The following OXR1 variants were observed in gnomAD, a reference collection of about 807,000 sequenced individuals.
OXR1 encodes oxidation resistance protein 1.
Under a neutral mutation model 104.6 loss-of-function variants are expected in OXR1, and 41 were observed. That is an observed-to-expected ratio of 0.39 (90% CI 0.31 to 0.51). OXR1 has a LOEUF of 0.51. OXR1 is among the 20% of genes least tolerant of loss of function. OXR1 has a pLI of 0.77. For synonymous variants in OXR1, 348 were observed against 348.4 expected, an observed-to-expected ratio of 1.00 and a Z score of 0.01; for missense variants, 955 against 1,031.9, an observed-to-expected ratio of 0.93 and a Z score of 1.02.
At chr8:106,678,407 C>T (rs1321595437) in intron 3 of OXR1, among the ~76,000 whole-genome samples, 1 of 151,886 alleles carries the variant, frequency 6.6e-6, no homozygotes, top group African/African-American at 2.4e-5. Context: ...GTAAATGTAG[C>T]ATTTTGCCAT....
At chr8:106,721,369 T>C (rs534502134) in intron 11 of OXR1, among the ~76,000 whole-genome samples, 2 of 152,152 alleles carry the variant, frequency 1.3e-5, no homozygotes, top group Non-Finnish European at 2.9e-5. Flanking sequence ...AGAAACTGGT[T>C]TTATTAAATC....
intron 16 of OXR1, among the ~76,000 whole-genome samples, chr8:106,746,558 A>G (rs1835412186): frequency 6.6e-6 from 1 of 152,216 alleles, no homozygotes; most frequent in African/African-American, 2.4e-5. Flanking sequence ...AAAGTGTTAC[A>G]TTATTTGTAT....
chr8:106,299,751 A>G (rs751053860), intron 1 of OXR1, among the ~76,000 whole-genome samples: 1 of 152,204 alleles, frequency 6.6e-6, no homozygotes, highest in Non-Finnish European at 1.5e-5. Context: ...ACCTTGCCGC[A>G]TGCTTGACTA....
rs186212263 is a variant in OXR1 at position 106,526,704 on chromosome 8, G to A, written c.220+7565G>A. Among the ~76,000 whole-genome samples, 300 of 152,236 alleles carry A rather than the reference G, an allele frequency of 2.0e-3. 1 individual carries two copies. Among genetic ancestry groups the A allele is most frequent in the Non-Finnish European group, 3.3e-3 (223 of 68,016 alleles). Reference sequence around the variant, plus strand: ...ACTACAGGCGTCCGCCACCACGCCCGGCTAATTTTTTTGTATTTTTAGTAG... The same window carrying A: ...ACTACAGGCGTCCGCCACCACGCCCAGCTAATTTTTTTGTATTTTTAGTAG... On this transcript the variant is annotated intron_variant, in intron 3 of 16. Coordinates refer to ENST00000517566, the MANE Select transcript of OXR1 (RefSeq NM_001198533.2).
At chr8:106,669,102 T>C (rs751008049) in intron 3 of OXR1, among the ~76,000 whole-genome samples, 1 of 152,088 alleles carries the variant, frequency 6.6e-6, no homozygotes, top group Non-Finnish European at 1.5e-5. Flanking sequence ...AAAAGGAACA[T>C]TAATGGGTAT....
At chr8:106,384,274 A>G (rs1817276582) in intron 2 of OXR1, among the ~76,000 whole-genome samples, 1 of 152,214 alleles carries the variant, frequency 6.6e-6, no homozygotes. Flanking sequence ...TAATGTTCTG[A>G]CAATCCAGTG....
chr8:106,289,859 T>G (rs992579896), intron 1 of OXR1, among the ~76,000 whole-genome samples: 3 of 152,134 alleles, frequency 2.0e-5, no homozygotes, highest in Admixed American at 2.0e-4. Context: ...CCCATGCTGT[T>G]CTCATGATAG....
chr8:106,486,102 T>C lies in OXR1; in HGVS notation c.24-32841T>C, dbSNP rs201084261. Among the ~76,000 whole-genome samples the C allele has an allele frequency of 9.9e-5, 15 of 151,872 alleles. 1 individual carries two copies. In the East Asian group the frequency reaches 2.9e-3, roughly 30 times the overall value. ...TGTATTCTTAAAAATGCTAAGAGAGTAGATTATATGTGTTCTATTACAAAA... is the reference window on the plus strand; with the variant it reads ...TGTATTCTTAAAAATGCTAAGAGAGCAGATTATATGTGTTCTATTACAAAA... On this transcript the variant is annotated intron_variant, in intron 2 of 16. Transcript: ENST00000517566.
At chr8:106,579,761 G>A (rs1482674124) in intron 3 of OXR1, among the ~76,000 whole-genome samples, 1 of 151,734 alleles carries the variant, frequency 6.6e-6, no homozygotes, top group Non-Finnish European at 1.5e-5. Flanking sequence ...TAATCACTAT[G>A]CTATATATGC....
At position 106,704,393 on chromosome 8, in the gene OXR1, C is replaced by CTTTTTTTTTTT. The variant is rs71307084; in HGVS notation, c.860+1324_860+1334dup. On this transcript the variant is annotated intron_variant, in intron 8 of 16. Transcript: ENST00000517566. ...TTTTTCTTTTTCTTTCTTTCTTCTT[C>CTTTTTTTTTTT]TTTTTTTTTTTTTTTTTTTTTTTTT... Among the ~76,000 whole-genome samples the CTTTTTTTTTTT allele has an allele frequency of 6.3e-4, 30 of 47,888 alleles. 1 individual carries two copies. The highest frequency in any genetic ancestry group is 1.8e-3 in the African/African-American group (18 of 9,932). 31.4% of individuals were successfully genotyped at this position (47,888 alleles called of 152,430 possible).
chr8:106,415,424 T>A (rs1818630054), intron 2 of OXR1, among the ~76,000 whole-genome samples: 1 of 152,126 alleles, frequency 6.6e-6, no homozygotes, highest in African/African-American at 2.4e-5. Context: ...CTAAGATAAT[T>A]TTTTAAAATT....
intron 2 of OXR1, among the ~76,000 whole-genome samples, chr8:106,476,040 A>G (rs1016670286): frequency 2.8e-5 from 4 of 141,126 alleles, no homozygotes; most frequent in African/African-American, 1.3e-4. Flanking sequence ...TTTTTCTATA[A>G]CAATGATGGT....
intron 2 of OXR1, among the ~76,000 whole-genome samples, chr8:106,468,501 G>T (rs1305474054): frequency 5.3e-5 from 8 of 151,788 alleles, no homozygotes; most frequent in Non-Finnish European, 8.8e-5. Flanking sequence ...GCAGAAGTAA[G>T]CTGGGTATGT....
At position 106,618,638 on chromosome 8, in the gene OXR1, ATTC is replaced by A. The variant is rs1821435586; in HGVS notation, c.221-60568_221-60566del. 5.9e-5 allele frequency among the ~76,000 whole-genome samples: 9 copies of A among 152,304 alleles called. No individual in the cohort carries two copies. The South Asian group carries it at 1.9e-3, about 32-fold the overall frequency. ...TAAGATTTCCATGTTGCCTTACCTTATTCTTCACTCAAAAATTGTCCCTAACTC... is the reference window on the plus strand; with the variant it reads ...TAAGATTTCCATGTTGCCTTACCTTATTCACTCAAAAATTGTCCCTAACTC... On this transcript the variant is annotated intron_variant, in intron 3 of 16. Transcript: ENST00000517566.
intron 1 of OXR1, among the ~76,000 whole-genome samples, chr8:106,334,724 A>C (rs929620126): frequency 6.6e-6 from 1 of 152,186 alleles, no homozygotes; most frequent in African/African-American, 2.4e-5. Context: ...TTCTCCTGCC[A>C]TTCTTGATTT....
chr8:106,300,346 C>T (rs1157232145), intron 1 of OXR1, among the ~76,000 whole-genome samples: 1 of 152,006 alleles, frequency 6.6e-6, no homozygotes, highest in East Asian at 1.9e-4. Flanking sequence ...TTCCCATTTT[C>T]TATGACTACC....
chr8:106,658,123 GGGACCTCGGGTGCGGGTCCCCGCCCCACC>G, intron 3 of OXR1: 1 of 1,247,042 alleles, frequency 8.0e-7, no homozygotes, highest in South Asian at 4.1e-5. Flanking sequence ...CCAGCCCAGG[GGGACCTCGGGTGCGGGTCCCCGCCCCACC>G]GGCCCCCGGC....
intron 3 of OXR1, among the ~76,000 whole-genome samples, chr8:106,664,448 T>G (rs896362807): frequency 2.0e-5 from 3 of 152,194 alleles, no homozygotes; most frequent in Admixed American, 6.5e-5. Flanking sequence ...CTTTTATCCA[T>G]GGGAAGGTTA....
At chr8:106,455,058 G>A (rs1789980) in intron 2 of OXR1, among the ~76,000 whole-genome samples, 81,298 of 152,022 alleles carry the variant, frequency 0.53, 25,611 homozygotes, top group African/African-American at 0.87. Flanking sequence ...GATTAAATAT[G>A]GTTTGATATA....
Sources: allele counts gnomAD v4.1 joint callset (sites outside exome capture counted in the v4.1 genomes callset), GRCh38; gene constraint gnomAD v4.1.1; transcripts MANE v1.5; gene names NCBI Gene and HGNC (gene_info 2026-07-23, HGNC 2026-07-21).